RIMBP2: variants seen among roughly 807,000 people sequenced by gnomAD.
RIMBP2 encodes the protein RIMS binding protein 2.
A neutral mutation model predicts 118.6 loss-of-function variants in RIMBP2; 48 were observed. The observed-to-expected ratio is 0.40, with a 90% CI of 0.32 to 0.51. RIMBP2 has a LOEUF of 0.51. Among genes scored for constraint, RIMBP2 ranks in the 20% least tolerant of loss-of-function variants. The pLI is 0.41. For synonymous variants in RIMBP2, 762 were observed against 742.9 expected, an observed-to-expected ratio of 1.03 and a Z score of -0.42; for missense variants, 1,551 against 1,768.3, an observed-to-expected ratio of 0.88 and a Z score of 2.20.
intron 1 of RIMBP2, chr12:130,633,745 C>T (rs2140981088): frequency 6.6e-6 from 1 of 152,316 alleles, no homozygotes; most frequent in Middle Eastern, 3.4e-3. Context: ...CCGTCTGTGT[C>T]TAAGCTGTAT....
chr12:130,540,758 A>T (rs957349445), intron 2 of RIMBP2, among the ~76,000 whole-genome samples: 1 of 152,216 alleles, frequency 6.6e-6, no homozygotes, highest in Non-Finnish European at 1.5e-5. Flanking sequence ...TCTTGGCTGC[A>T]GCACCCGATT....
At chr12:130,448,392 G>A (rs1180617628) in intron 9 of RIMBP2, among the ~76,000 whole-genome samples, 2 of 152,228 alleles carry the variant, frequency 1.3e-5, no homozygotes, top group African/African-American at 4.8e-5. Flanking sequence ...GTTGGCCATC[G>A]TAGGTCGCAT....
chr12:130,613,285 G>A (rs1376923245), intron 2 of RIMBP2, among the ~76,000 whole-genome samples: 12 of 152,300 alleles, frequency 7.9e-5, no homozygotes, highest in Admixed American at 3.9e-4. Context: ...AGCTGCGACC[G>A]CCCCGCCAGA....
intron 2 of RIMBP2, among the ~76,000 whole-genome samples, chr12:130,532,731 G>C (rs1348546512): frequency 7.7e-6 from 1 of 130,110 alleles, no homozygotes; most frequent in African/African-American, 2.7e-5. Flanking sequence ...AGATGTGTGT[G>C]TTCAGCCTCT....
intron 2 of RIMBP2, among the ~76,000 whole-genome samples, chr12:130,613,608 G>A (rs1594041548): frequency 6.6e-6 from 1 of 152,150 alleles, no homozygotes; most frequent in African/African-American, 2.4e-5. Context: ...ATGGTCGGGA[G>A]ATGAAGATCA....
chr12:130,473,306 G>A (rs986524370), intron 5 of RIMBP2, among the ~76,000 whole-genome samples: 1 of 152,242 alleles, frequency 6.6e-6, no homozygotes, highest in African/African-American at 2.4e-5. Context: ...TACGGAGAGT[G>A]GTTCCTGCAG....
intron 10 of RIMBP2, 30 bp downstream of exon 10, chr12:130,445,130 C>G (rs770942155): frequency 6.8e-7 from 1 of 1,470,234 alleles, no homozygotes; most frequent in African/African-American, 1.4e-5. Context: ...GCCCAGCCTA[C>G]GTCCGCCACA....
intron 2 of RIMBP2, among the ~76,000 whole-genome samples, chr12:130,597,167 C>CA (rs552360204): frequency 3.9e-5 from 6 of 151,988 alleles, no homozygotes; most frequent in Non-Finnish European, 1.5e-5. Context: ...GACTCATAAA[C>CA]AAAAAAAATT....
At chr12:130,588,664 T>C (rs2059070015) in intron 2 of RIMBP2, among the ~76,000 whole-genome samples, 2 of 152,370 alleles carry the variant, frequency 1.3e-5, no homozygotes, top group East Asian at 3.9e-4. Flanking sequence ...CAATGCCATA[T>C]GGTTCAATGG....
chr12:130,638,383 G>A lies in RIMBP2; in HGVS notation c.-351-9927C>T, dbSNP rs1038773858. Among the ~76,000 whole-genome samples, 4 of 152,192 alleles carry A rather than the reference G, an allele frequency of 2.6e-5. No homozygotes were observed. In the East Asian group the frequency reaches 7.7e-4, roughly 29 times the overall value. The stretch of plus-strand genomic sequence containing the variant: ...AAGTGAAAGAAGCCAGTCTGAAAAG[G>A]ATATAAACTATATGATTCCAACTCT... On this transcript the variant is annotated intron_variant, in intron 1 of 22. Coordinates refer to ENST00000690449, the MANE Select transcript of RIMBP2 (RefSeq NM_001393629.1).
chr12:130,703,604 G>A lies in RIMBP2; in HGVS notation c.-352+12618C>T, dbSNP rs1253393116. Among the ~76,000 whole-genome samples the A allele has an allele frequency of 6.6e-6, 1 of 152,174 alleles. No homozygotes were observed. Among genetic ancestry groups the A allele is most frequent in the Admixed American group, 6.5e-5 (1 of 15,290 alleles). On this transcript the variant is annotated intron_variant, in intron 1 of 22. Transcript: ENST00000690449. This position sits in a 1 kb window ranked among gnomAD's most constrained non-coding sequence, Gnocchi z 5.7. ...TCAGATCCCGTAATCGGATCCGGGC[G>A]CTTTAGCCCTCACGTGACTAGGGGC...
intron 4 of RIMBP2, among the ~76,000 whole-genome samples, chr12:130,489,598 G>A (rs1416168509): frequency 2.6e-5 from 4 of 151,978 alleles, no homozygotes; most frequent in South Asian, 4.2e-4. Flanking sequence ...TCTAACCCAC[G>A]GTCTCTGCTC....
chr12:130,664,916 C>T (rs2063852270), intron 1 of RIMBP2, among the ~76,000 whole-genome samples: 1 of 151,720 alleles, frequency 6.6e-6, no homozygotes, highest in Admixed American at 6.5e-5. Context: ...TCACAGAGGC[C>T]GGAGGGACAA....
rs1036893759 is a variant in RIMBP2, at chr12:130,622,844, C to T, written c.-217+5478G>A. Among the ~76,000 whole-genome samples, 3 of 152,140 alleles carry T rather than the reference C, an allele frequency of 2.0e-5. No homozygotes were observed. Among genetic ancestry groups the T allele is most frequent in the Admixed American group, 2.0e-4 (3 of 15,260 alleles). ...AAGACAAAATTTCTCTCTCTCTGAC[C>T]CTGCTCAATGCTTAGATGTAACCTC... On this transcript the variant is annotated intron_variant, in intron 2 of 22. Coordinates refer to ENST00000690449, the MANE Select transcript of RIMBP2 (RefSeq NM_001393629.1). The surrounding 1 kb of genome is among the most constrained non-coding windows in gnomAD (Gnocchi z 8.5).
intron 1 of RIMBP2, among the ~76,000 whole-genome samples, chr12:130,646,130 T>G (rs12832167): frequency 0.017 from 415 of 24,276 alleles, 10 homozygotes; most frequent in African/African-American, 0.04. Context: ...CACCTGCCTC[T>G]CCACCTCCCT....
chr12:130,424,804 G>A lies in RIMBP2; in HGVS notation c.2467C>T (p.Pro823Ser). The A allele has an allele frequency of 8.1e-7, 1 of 1,232,750 alleles. No homozygotes were observed. The highest frequency in any genetic ancestry group is 1.0e-6 in the Non-Finnish European group (1 of 988,462). 76.4% of individuals were successfully genotyped at this position (1,232,750 alleles called of 1,614,324 possible). ...EGTFWEQPEFPHQPHRKRLFS... is the reference protein window; with the variant it reads ...EGTFWEQPEFSHQPHRKRLFS... ...AGTCTCTTCCTGTGGGGCTGGTGGG[G>A]AAACTCGGGCTGCTCCCAGAAAGTG... The change falls in exon 16 of 23, where the codon CCC (proline) becomes TCC (serine). Residue 823 changes from proline (P) to serine (S), a missense_variant. By Grantham distance (74) the Pro-to-Ser change is moderately conservative. Around this residue, in one of 5 missense-constraint regions of RIMBP2, gnomAD observed 1,038 missense variants for 1,125.1 expected, o/e 0.92. Coordinates refer to ENST00000690449, the MANE Select transcript of RIMBP2 (RefSeq NM_001393629.1). The surrounding 1 kb of genome is among the most constrained non-coding windows in gnomAD (Gnocchi z 9.8).
chr12:130,534,130 C>T (rs1185505163), intron 2 of RIMBP2, among the ~76,000 whole-genome samples: 1 of 146,060 alleles, frequency 6.8e-6, no homozygotes, highest in African/African-American at 2.5e-5. Flanking sequence ...CACACCCCTG[C>T]ACTTCAGCCT....
chr12:130,531,461 C>T (rs572454256), intron 2 of RIMBP2, among the ~76,000 whole-genome samples: 6 of 152,316 alleles, frequency 3.9e-5, no homozygotes, highest in Non-Finnish European at 5.9e-5. Context: ...ATATTTATCT[C>T]AACATTTTAT....
intron 2 of RIMBP2, among the ~76,000 whole-genome samples, chr12:130,618,083 G>A (rs533830853): frequency 9.5e-5 from 14 of 147,868 alleles, no homozygotes; most frequent in African/African-American, 3.2e-4. Flanking sequence ...TAAGAGTCAC[G>A]GATCCCCAAA....
Sources: allele counts gnomAD v4.1 joint callset (sites outside exome capture counted in the v4.1 genomes callset), GRCh38; gene constraint gnomAD v4.1.1; regional missense constraint gnomAD v4.1.1; non-coding constraint Gnocchi (gnomAD v3.1); transcripts MANE v1.5; gene names NCBI Gene and HGNC (gene_info 2026-07-23, HGNC 2026-07-21).